The following GALNT13 variants were observed in gnomAD, a reference collection of about 807,000 sequenced individuals.
GALNT13 encodes UDP-GalNAc:polypeptide N-acetylgalactosaminyltransferase 13.
Under a neutral mutation model 64.2 loss-of-function variants are expected in GALNT13, and 28 were observed. The ratio of observed to expected loss-of-function variants is 0.44; its 90% confidence interval spans 0.32 to 0.60. The LOEUF (loss-of-function observed/expected upper bound fraction) is 0.60, where lower values mean the gene tolerates loss of function less well. Ranked by LOEUF, GALNT13 falls within the 20% of genes least tolerant of loss-of-function variation. GALNT13 has a pLI of 0.05. For missense variants in GALNT13, 577 were observed against 669.8 expected (o/e 0.86, Z 1.53); for synonymous variants, 214 against 224.6 (o/e 0.95, Z 0.42).
chr2:153,337,252 T>C, the GALNT13 span, among the ~76,000 whole-genome samples: 1 of 152,232 alleles, frequency 6.6e-6, no homozygotes, highest in Non-Finnish European at 1.5e-5. Context: ...TTGAAATTTA[T>C]AGTTTACTTA....
chr2:153,663,498 A>T, the GALNT13 span, among the ~76,000 whole-genome samples: 1 of 152,204 alleles, frequency 6.6e-6, no homozygotes, highest in Non-Finnish European at 1.5e-5. Flanking sequence ...AAGCTATTCC[A>T]TGTGCTGCAC....
the GALNT13 span, among the ~76,000 whole-genome samples, chr2:153,451,795 C>T: frequency 4.6e-5 from 7 of 152,172 alleles, no homozygotes; most frequent in Admixed American, 4.6e-4. Flanking sequence ...CTTCTCACTG[C>T]AATTAGAGTT....
chr2:154,349,511 T>TC (rs2105249738), intron 9 of GALNT13, among the ~76,000 whole-genome samples: 1 of 152,322 alleles, frequency 6.6e-6, no homozygotes, highest in African/African-American at 2.4e-5. Flanking sequence ...TTGCATAAAA[T>TC]CAAATTATTC....
the GALNT13 span, among the ~76,000 whole-genome samples, chr2:153,797,284 G>T: frequency 5.3e-5 from 8 of 152,136 alleles, no homozygotes; most frequent in African/African-American, 1.9e-4. Context: ...CATTGCAATT[G>T]GGCTATAAAT....
chr2:153,744,276 C>G, the GALNT13 span, among the ~76,000 whole-genome samples: 1 of 152,084 alleles, frequency 6.6e-6, no homozygotes, highest in African/African-American at 2.4e-5. Flanking sequence ...AGTGGTTGTA[C>G]TAATTTACCT....
chr2:154,356,007 G>A (rs375761640), intron 9 of GALNT13, among the ~76,000 whole-genome samples: 1 of 151,888 alleles, frequency 6.6e-6, no homozygotes, highest in African/African-American at 2.4e-5. Flanking sequence ...ATATTAAAAT[G>A]GTTTCAAACA....
At chr2:154,370,941 C>T (rs1041371397) in intron 9 of GALNT13, among the ~76,000 whole-genome samples, 3 of 151,848 alleles carry the variant, frequency 2.0e-5, no homozygotes, top group Non-Finnish European at 4.4e-5. Context: ...GAGGCACCAA[C>T]AAAGAGAACC....
chr2:153,719,610 T>C, the GALNT13 span, among the ~76,000 whole-genome samples: 2 of 152,078 alleles, frequency 1.3e-5, no homozygotes, highest in African/African-American at 2.4e-5. Context: ...GCGCGCACCG[T>C]GCACGAGCCG....
At chr2:154,339,017 G>T (rs1695609087) in intron 9 of GALNT13, among the ~76,000 whole-genome samples, 1 of 152,104 alleles carries the variant, frequency 6.6e-6, no homozygotes, top group Non-Finnish European at 1.5e-5. Context: ...TTGGAGAAAA[G>T]AAATTAGACC....
the GALNT13 span, among the ~76,000 whole-genome samples, chr2:153,624,043 G>A: frequency 6.6e-6 from 1 of 152,072 alleles, no homozygotes; most frequent in Non-Finnish European, 1.5e-5. Context: ...CTTTAACAAT[G>A]AAGATGGTGT....
intron 3 of GALNT13, among the ~76,000 whole-genome samples, chr2:154,050,975 C>T (rs1699571732): frequency 6.6e-6 from 1 of 152,204 alleles, no homozygotes; most frequent in Non-Finnish European, 1.5e-5. Flanking sequence ...TGACCTCCCC[C>T]TCCCAGGACT....
At chr2:154,355,309 TTTAG>T (rs780604442) in intron 9 of GALNT13, among the ~76,000 whole-genome samples, 8 of 152,284 alleles carry the variant, frequency 5.3e-5, no homozygotes, top group Non-Finnish European at 1.2e-4. Flanking sequence ...TTTAAAAATA[TTTAG>T]TTAAACCACA....
the GALNT13 span, among the ~76,000 whole-genome samples, chr2:153,216,233 A>T: frequency 2.0e-5 from 3 of 152,040 alleles, no homozygotes; most frequent in Non-Finnish European, 4.4e-5. Context: ...CAGTTGTTTC[A>T]GGTTTTAATG....
At chr2:154,031,186 A>G (rs1016458027) in intron 3 of GALNT13, among the ~76,000 whole-genome samples, 7 of 152,148 alleles carry the variant, frequency 4.6e-5, no homozygotes, top group Non-Finnish European at 1.0e-4. Context: ...TATAATACAT[A>G]TTAAACAATA....
At chr2:153,201,433 A>G in the GALNT13 span, among the ~76,000 whole-genome samples, 59 of 152,314 alleles carry the variant, frequency 3.9e-4, 1 homozygote, top group East Asian at 4.8e-3. Context: ...TGCCAAGCCT[A>G]TTCATTTACT....
chr2:154,190,943 G>C (rs973421913), intron 4 of GALNT13, among the ~76,000 whole-genome samples: 1 of 152,042 alleles, frequency 6.6e-6, no homozygotes, highest in Non-Finnish European at 1.5e-5. Context: ...TTGAAATCTG[G>C]TGTGTATCTT....
At chr2:154,002,823 G>A (rs1695998928) in intron 3 of GALNT13, among the ~76,000 whole-genome samples, 2 of 152,092 alleles carry the variant, frequency 1.3e-5, no homozygotes, top group South Asian at 4.1e-4. Flanking sequence ...TTAATCATGG[G>A]CCCGTTTGTT....
At chr2:154,107,281 A>G (rs571676725) in intron 3 of GALNT13, among the ~76,000 whole-genome samples, 2 of 152,302 alleles carry the variant, frequency 1.3e-5, no homozygotes, top group Non-Finnish European at 1.5e-5. Context: ...TCTGTTAACT[A>G]AAACGCATTT....
At chr2:153,490,863 G>C in the GALNT13 span, among the ~76,000 whole-genome samples, 3 of 151,678 alleles carry the variant, frequency 2.0e-5, no homozygotes, top group African/African-American at 7.3e-5. Flanking sequence ...GAGAGGCTGA[G>C]GCAGGAGAAT....
Sources: allele counts gnomAD v4.1 joint callset (sites outside exome capture counted in the v4.1 genomes callset), GRCh38; gene constraint gnomAD v4.1.1; transcripts MANE v1.5; gene names NCBI Gene and HGNC (gene_info 2026-07-23, HGNC 2026-07-21).